Variants in NCOR1 observed in about 807,000 individuals in gnomAD.
The protein encoded by NCOR1 is protein phosphatase 1, regulatory subunit 109.
In NCOR1, 63 loss-of-function variants were observed where a neutral mutation model predicts 288.1. The ratio of observed to expected loss-of-function variants is 0.22; its 90% CI spans 0.18 to 0.27. The LOEUF is 0.27. Ranked by LOEUF, NCOR1 falls within the 10% of genes least tolerant of loss-of-function variation. The probability of loss-of-function intolerance (pLI) is 1.00; values close to 1 mark genes in which losing one functional copy is unlikely to be tolerated. For missense variants in NCOR1, 2,397 were observed against 3,019.2 expected (o/e 0.79, Z 4.83); for synonymous variants, 1,007 against 1,065.9 (o/e 0.94, Z 1.08).
chr17:16,168,315 C>G (rs887283357), intron 4 of NCOR1, among the ~76,000 whole-genome samples: 2 of 152,128 alleles, frequency 1.3e-5, no homozygotes, highest in Admixed American at 6.5e-5. Context: ...ATTCTCTTGC[C>G]TCAGCCTCCC....
At chr17:16,190,532 G>A (rs1294040279) in intron 2 of NCOR1, among the ~76,000 whole-genome samples, 6 of 150,436 alleles carry the variant, frequency 4.0e-5, no homozygotes, top group African/African-American at 7.4e-5. Context: ...TAGTAGAGAC[G>A]GAGTTTCACC....
At chr17:16,182,613 C>G (rs2085717415) in intron 3 of NCOR1, among the ~76,000 whole-genome samples, 1 of 152,098 alleles carries the variant, frequency 6.6e-6, no homozygotes, top group Admixed American at 6.6e-5. Flanking sequence ...CACCACCACG[C>G]CCGGCTAATG....
At chr17:16,118,217 A>AT (rs903630151) in intron 17 of NCOR1, among the ~76,000 whole-genome samples, 190 bp from the exon 18 acceptor site, 1 of 152,166 alleles carries the variant, frequency 6.6e-6, no homozygotes, top group African/African-American at 2.4e-5. Flanking sequence ...ACAGTTCTAT[A>AT]TTTTTCCCCC....
chr17:16,071,585 G>T lies in NCOR1; in HGVS notation c.3976C>A (p.Arg1326=). Reference sequence around the variant, plus strand: ...TTGGTAATGGCACCTTCAAATGCTCGTATGGGAGGACTTTCCCTTTTAATT... The same window carrying T: ...TTGGTAATGGCACCTTCAAATGCTCTTATGGGAGGACTTTCCCTTTTAATT... ...KQIKRESPPI[R]AFEGAITKGK... is the part of the protein sequence containing the mutation. The change falls in exon 30 of 46, where the codon CGA becomes AGA. Residue 1326 remains arginine (R), a synonymous_variant. Coordinates refer to ENST00000268712, the MANE Select transcript of NCOR1 (RefSeq NM_006311.4). 2 of 1,614,026 alleles carry T rather than the reference G, an allele frequency of 1.2e-6. No homozygotes were observed. The highest frequency in any genetic ancestry group is 1.7e-6 in the Non-Finnish European group (2 of 1,180,004).
intron 13 of NCOR1, chr17:16,137,676 T>C (rs750409507): frequency 3.7e-5 from 10 of 266,710 alleles, no homozygotes; most frequent in Non-Finnish European, 6.2e-5. Context: ...TATTTTCTTA[T>C]TAACAAGTAA....
At chr17:16,103,132 A>C (rs2153010364) in intron 19 of NCOR1, among the ~76,000 whole-genome samples, 1 of 152,340 alleles carries the variant, frequency 6.6e-6, no homozygotes, top group African/African-American at 2.4e-5. Context: ...GCACAAATTC[A>C]GTATGTCCTG....
At chr17:16,040,363 G>C (rs1247274873) in intron 43 of NCOR1, 78 bp downstream of exon 43, 1 of 1,146,084 alleles carries the variant, frequency 8.7e-7, no homozygotes. Flanking sequence ...GTATACAGTT[G>C]GTACTCAGTA....
intron 3 of NCOR1, among the ~76,000 whole-genome samples, chr17:16,178,686 C>T (rs1183010729): frequency 6.6e-6 from 1 of 151,940 alleles, no homozygotes; most frequent in Non-Finnish European, 1.5e-5. Flanking sequence ...AGCTGTATGT[C>T]TTTTCTTATT....
At chr17:16,040,644 A>T (rs2057381343) in intron 42 of NCOR1, 150 bp from the exon 43 acceptor site, 1 of 785,724 alleles carries the variant, frequency 1.3e-6, no homozygotes, top group Non-Finnish European at 2.1e-6. Context: ...GATAAAATGG[A>T]AGTATTTTTT....
At chr17:16,082,861 G>A (rs1391441298) in intron 23 of NCOR1, among the ~76,000 whole-genome samples, 2 of 145,428 alleles carry the variant, frequency 1.4e-5, no homozygotes, top group Admixed American at 6.9e-5. Context: ...GTGGGGGTGG[G>A]TCTCAGCAAA....
At chr17:16,125,701 C>CA (rs71353771) in intron 15 of NCOR1, among the ~76,000 whole-genome samples, 4,426 of 82,244 alleles carry the variant, frequency 0.054, 155 homozygotes, top group African/African-American at 0.066. Context: ...GACGCCATCA[C>CA]AAAAAAAAAA....
At chr17:16,105,534 G>C (rs1157151342) in intron 19 of NCOR1, among the ~76,000 whole-genome samples, 1 of 152,160 alleles carries the variant, frequency 6.6e-6, no homozygotes, top group African/African-American at 2.4e-5. Flanking sequence ...CAATTCTAAA[G>C]AGACTAAAGA....
intron 9 of NCOR1, among the ~76,000 whole-genome samples, chr17:16,148,517 T>G (rs2078332738): frequency 6.6e-6 from 1 of 152,066 alleles, no homozygotes; most frequent in Non-Finnish European, 1.5e-5. Flanking sequence ...AAGTGATATT[T>G]AAGCAAATCG....
intron 21 of NCOR1, among the ~76,000 whole-genome samples, 172 bp downstream of exon 21, chr17:16,098,193 AAC>A (rs2066980050): frequency 6.6e-6 from 1 of 152,248 alleles, no homozygotes; most frequent in South Asian, 2.1e-4. Context: ...CAATATACTT[AAC>A]ACACTTAACA....
chr17:16,154,084 T>C lies in NCOR1; in HGVS notation c.733-689A>G, dbSNP rs9916733. ...CTCTGTCGCCCAGGCTGGGACACAA[T>C]GGCACGATCATAGCTCACTGCAGCC... On this transcript the variant is annotated intron_variant, in intron 6 of 45. Transcript: ENST00000268712. Among the ~76,000 whole-genome samples the C allele has an allele frequency of 9.3e-3, 1,349 of 144,822 alleles. 17 individuals are homozygous for C. Among genetic ancestry groups the C allele is most frequent in the African/African-American group, 0.033 (1,258 of 38,532 alleles).
At chr17:16,202,922 T>C (rs1306743915) in intron 1 of NCOR1, among the ~76,000 whole-genome samples, 4 of 152,076 alleles carry the variant, frequency 2.6e-5, no homozygotes, top group Non-Finnish European at 5.9e-5. Context: ...AACAGAACTA[T>C]CAAACACCTG....
At chr17:16,172,442 G>C (rs1301482995) in intron 3 of NCOR1, among the ~76,000 whole-genome samples, 1 of 152,168 alleles carries the variant, frequency 6.6e-6, no homozygotes, top group Non-Finnish European at 1.5e-5. Context: ...AAGTTTAGTT[G>C]CTGAAGAATA....
chr17:16,091,722 T>C, intron 22 of NCOR1, 141 bp downstream of exon 22: 1 of 1,486,344 alleles, frequency 6.7e-7, no homozygotes, highest in South Asian at 1.4e-5. Flanking sequence ...TTAAGGTCAA[T>C]TTAAGGAACT....
At position 16,146,285 on chromosome 17, in the gene NCOR1, T is replaced by C; in HGVS notation, c.1082+91A>G. The C allele has an allele frequency of 5.1e-6, 6 of 1,177,894 alleles. No homozygotes were observed. In the South Asian group the frequency reaches 6.7e-5, roughly 13 times the overall value. 73.0% of individuals were successfully genotyped at this position (1,177,894 alleles called of 1,614,324 possible). ...CCCCTCTCCGAGAAACACCCAAGAA[T>C]GATCAATACATACTAAAAAAATTTT... On this transcript the variant is annotated intron_variant, in intron 10 of 45. Coordinates refer to ENST00000268712, the MANE Select transcript of NCOR1 (RefSeq NM_006311.4).
Sources: gnomAD v4.1 joint callset for allele counts (sites outside exome capture counted in the v4.1 genomes callset) on GRCh38, gnomAD v4.1.1 for gene constraint, MANE v1.5 for transcripts, NCBI Gene and HGNC (gene_info 2026-07-23, HGNC 2026-07-21) for gene names.